The following NKAIN2 variants were observed in gnomAD, a reference collection of about 807,000 sequenced individuals.
NKAIN2 encodes the protein sodium/potassium-transporting ATPase subunit beta-1-interacting protein 2.
A neutral mutation model predicts 32.6 loss-of-function variants in NKAIN2; 14 were observed. The observed-to-expected ratio is 0.43, with a 90% CI of 0.28 to 0.67. The LOEUF is 0.67. NKAIN2 is among the 30% of genes least tolerant of loss of function. The pLI is 0.17. For missense variants in NKAIN2, 198 were observed against 258.3 expected, an observed-to-expected ratio of 0.77 and a Z score of 1.60; for synonymous variants, 80 against 87.2, an observed-to-expected ratio of 0.92 and a Z score of 0.46.
chr6:124,010,304 T>C (rs1275795496), intron 1 of NKAIN2, among the ~76,000 whole-genome samples: 1 of 152,066 alleles, frequency 6.6e-6, no homozygotes, highest in Non-Finnish European at 1.5e-5. Flanking sequence ...TACACTACTC[T>C]TGATACTGGT....
rs114971614 is a variant in NKAIN2, at chr6:124,664,466, C to T, written c.474+6080C>T. 4.5e-3 allele frequency among the ~76,000 whole-genome samples: 678 copies of T among 151,974 alleles called. 4 individuals are homozygous for T. The highest frequency in any genetic ancestry group is 0.016 in the African/African-American group (645 of 41,454). Reference sequence around the variant, plus strand: ...GGAAAAAATCAAATTTAAGCTTATACATATTTAACATATATACAAATTTAT... The same window carrying T: ...GGAAAAAATCAAATTTAAGCTTATATATATTTAACATATATACAAATTTAT... On this transcript the variant is annotated intron_variant, in intron 4 of 6. Transcript: ENST00000368417.
chr6:124,797,710 C>T (rs947968054), intron 5 of NKAIN2, among the ~76,000 whole-genome samples: 1 of 152,020 alleles, frequency 6.6e-6, no homozygotes, highest in Non-Finnish European at 1.5e-5. Context: ...TATTGAATTC[C>T]ATTCTGTATG....
chr6:124,270,121 G>A (rs1288546662), intron 1 of NKAIN2, among the ~76,000 whole-genome samples: 1 of 152,106 alleles, frequency 6.6e-6, no homozygotes, highest in African/African-American at 2.4e-5. Flanking sequence ...TTCTCCTGAT[G>A]ACAACAGCTC....
intron 3 of NKAIN2, among the ~76,000 whole-genome samples, chr6:124,577,894 G>A (rs1781388914): frequency 6.6e-6 from 1 of 152,066 alleles, no homozygotes; most frequent in African/African-American, 2.4e-5. Flanking sequence ...AGAGCACCAG[G>A]CAGAATCCTG....
intron 4 of NKAIN2, among the ~76,000 whole-genome samples, chr6:124,677,868 C>A (rs898156971): frequency 5.1e-4 from 77 of 152,160 alleles, no homozygotes; most frequent in African/African-American, 1.8e-3. Context: ...ACTTAAAGGA[C>A]TTCCTTTAAC....
At chr6:124,392,480 G>T (rs1324133155) in intron 3 of NKAIN2, among the ~76,000 whole-genome samples, 1 of 152,078 alleles carries the variant, frequency 6.6e-6, no homozygotes, top group Non-Finnish European at 1.5e-5. Flanking sequence ...ATTAATTCTA[G>T]AAATATCAGA....
intron 2 of NKAIN2, among the ~76,000 whole-genome samples, chr6:124,342,048 A>G (rs1798136077): frequency 6.6e-6 from 1 of 152,172 alleles, no homozygotes; most frequent in Non-Finnish European, 1.5e-5. Context: ...TACAAACGGT[A>G]AATATTGTCC....
At chr6:124,076,990 T>C (rs1163750478) in intron 1 of NKAIN2, among the ~76,000 whole-genome samples, 2 of 152,008 alleles carry the variant, frequency 1.3e-5, no homozygotes, top group Admixed American at 1.3e-4. Flanking sequence ...ATAGGCACTT[T>C]ATAACTATTT....
chr6:124,498,070 C>T (rs1778135478), intron 3 of NKAIN2, among the ~76,000 whole-genome samples: 1 of 152,088 alleles, frequency 6.6e-6, no homozygotes, highest in African/African-American at 2.4e-5. Context: ...TTGAGAAGAA[C>T]AGGGTGAGTA....
chr6:124,331,952 C>A (rs1456555223), intron 2 of NKAIN2, among the ~76,000 whole-genome samples: 1 of 152,064 alleles, frequency 6.6e-6, no homozygotes, highest in Non-Finnish European at 1.5e-5. Context: ...AGTTTTTAAA[C>A]TTTTCAGCAT....
intron 1 of NKAIN2, among the ~76,000 whole-genome samples, chr6:123,842,844 GCTCCTTC>G (rs1302310824): frequency 3.3e-5 from 5 of 152,038 alleles, no homozygotes; most frequent in African/African-American, 1.2e-4. Flanking sequence ...TACGAGTGAG[GCTCCTTC>G]CTCTTATCTG....
At position 124,332,176 on chromosome 6, in the gene NKAIN2, T is replaced by C. The variant is rs147325493; in HGVS notation, c.193-23091T>C. 2.0e-4 allele frequency among the ~76,000 whole-genome samples: 30 copies of C among 151,998 alleles called. No individual in the cohort carries two copies. In the East Asian group the frequency reaches 4.9e-3, roughly 25 times the overall value. The stretch of plus-strand genomic sequence containing the variant: ...TGTCAACGAAGTATGTTCTTGAAAA[T>C]CCACTTGGCATTTTTCTCAAGTTCA... On this transcript the variant is annotated intron_variant, in intron 2 of 6. Coordinates refer to ENST00000368417, the MANE Select transcript of NKAIN2 (RefSeq NM_001040214.3).
At chr6:124,261,305 G>C (rs1036038540) in intron 1 of NKAIN2, among the ~76,000 whole-genome samples, 1 of 152,016 alleles carries the variant, frequency 6.6e-6, no homozygotes, top group Non-Finnish European at 1.5e-5. Context: ...AACTAAGCAT[G>C]TTGACATCCA....
chr6:124,476,461 A>G (rs1350296713), intron 3 of NKAIN2, among the ~76,000 whole-genome samples: 7 of 150,688 alleles, frequency 4.6e-5, no homozygotes, highest in Non-Finnish European at 7.4e-5. Flanking sequence ...GAAAAAATAT[A>G]CTTTTCCAAT....
chr6:123,883,853 C>G (rs1773583503), intron 1 of NKAIN2, among the ~76,000 whole-genome samples: 1 of 133,588 alleles, frequency 7.5e-6, no homozygotes. Flanking sequence ...CGAGATCGCG[C>G]CACTGCACTC....
intron 1 of NKAIN2, among the ~76,000 whole-genome samples, chr6:123,864,560 AT>A (rs1283586380): frequency 6.6e-6 from 1 of 152,136 alleles, no homozygotes; most frequent in African/African-American, 2.4e-5. Flanking sequence ...GGGAAGGTAC[AT>A]TTTCATTTAG....
At chr6:124,336,002 A>G (rs1399596611) in intron 2 of NKAIN2, among the ~76,000 whole-genome samples, 1 of 152,214 alleles carries the variant, frequency 6.6e-6, no homozygotes, top group African/African-American at 2.4e-5. Context: ...TTGAATTTGT[A>G]TCATCTTACT....
At chr6:124,107,770 C>T (rs1012679138) in intron 1 of NKAIN2, among the ~76,000 whole-genome samples, 2 of 152,222 alleles carry the variant, frequency 1.3e-5, no homozygotes, top group African/African-American at 4.8e-5. Flanking sequence ...ATTTTAGATT[C>T]CTCATATAAG....
chr6:124,122,779 C>T (rs1480492882), intron 1 of NKAIN2, among the ~76,000 whole-genome samples: 1 of 151,940 alleles, frequency 6.6e-6, no homozygotes, highest in Non-Finnish European at 1.5e-5. Context: ...AACTCTTTGC[C>T]CCTGGTTGAA....
Sources: allele counts gnomAD v4.1 joint callset (sites outside exome capture counted in the v4.1 genomes callset), GRCh38; gene constraint gnomAD v4.1.1; transcripts MANE v1.5; gene names NCBI Gene and HGNC (gene_info 2026-07-23, HGNC 2026-07-21).